Variants in ZBTB20 observed in about 807,000 individuals in gnomAD.
ZBTB20 encodes the protein zinc finger and BTB domain containing 20.
A neutral mutation model predicts 56.9 loss-of-function variants in ZBTB20; 9 were observed. That is an observed-to-expected ratio of 0.16 (90% CI 0.10 to 0.28). The LOEUF is 0.28. Ranked by LOEUF, ZBTB20 falls within the 10% of genes least tolerant of loss-of-function variation. The pLI is 1.00. For synonymous variants in ZBTB20, 417 were observed against 420.7 expected, an observed-to-expected ratio of 0.99 and a Z score of 0.11; for missense variants, 655 against 1,003.0, an observed-to-expected ratio of 0.65 and a Z score of 4.69.
intron 6 of ZBTB20, among the ~76,000 whole-genome samples, chr3:114,602,231 G>A: frequency 6.6e-6 from 1 of 152,030 alleles, no homozygotes; most frequent in Middle Eastern, 3.2e-3. Context: ...GGCTGGCTGA[G>A]ATGAGAGCGG....
At chr3:114,357,638 T>A (rs2081388972) in intron 10 of ZBTB20, among the ~76,000 whole-genome samples, 1 of 152,196 alleles carries the variant, frequency 6.6e-6, no homozygotes, top group Non-Finnish European at 1.5e-5. Flanking sequence ...TCAGTGGCTT[T>A]CATCAAAATC....
At chr3:114,880,902 T>C (rs921070599) in intron 4 of ZBTB20, among the ~76,000 whole-genome samples, 4 of 152,138 alleles carry the variant, frequency 2.6e-5, no homozygotes, top group Admixed American at 2.0e-4. Context: ...CTTTAAGTGG[T>C]AATAGTAATA....
chr3:114,603,575 A>G (rs2056921006), intron 6 of ZBTB20, among the ~76,000 whole-genome samples: 1 of 151,990 alleles, frequency 6.6e-6, no homozygotes, highest in Non-Finnish European at 1.5e-5. Flanking sequence ...TTATATTTAC[A>G]AACAAACTTC....
chr3:114,712,830 A>G (rs1365397964), intron 5 of ZBTB20, among the ~76,000 whole-genome samples: 3 of 152,190 alleles, frequency 2.0e-5, no homozygotes, highest in Non-Finnish European at 2.9e-5. Context: ...ACAAGTATCC[A>G]TCATGGTTAT....
chr3:114,341,637 T>C (rs1309362535), intron 11 of ZBTB20, among the ~76,000 whole-genome samples: 2 of 152,264 alleles, frequency 1.3e-5, no homozygotes, highest in Non-Finnish European at 2.9e-5. Flanking sequence ...TGATTCCTCA[T>C]AGTTGTCATG....
intron 7 of ZBTB20, among the ~76,000 whole-genome samples, chr3:114,417,759 G>A (rs966723450): frequency 2.0e-5 from 3 of 151,992 alleles, no homozygotes; most frequent in African/African-American, 7.2e-5. Context: ...AGGAAAAAAG[G>A]ACTTTTAAAC....
intron 1 of ZBTB20, among the ~76,000 whole-genome samples, chr3:115,075,149 C>T (rs1486482262): frequency 6.6e-6 from 1 of 152,072 alleles, no homozygotes; most frequent in Non-Finnish European, 1.5e-5. Flanking sequence ...ACCCTCTTAG[C>T]AAATCTTAAT....
At chr3:114,953,175 T>C (rs1324805752) in intron 3 of ZBTB20, among the ~76,000 whole-genome samples, 2 of 152,026 alleles carry the variant, frequency 1.3e-5, no homozygotes, top group Non-Finnish European at 2.9e-5. Context: ...AAAAGATATG[T>C]ATATTGAACA....
chr3:114,826,101 C>T (rs1378438722), intron 4 of ZBTB20, among the ~76,000 whole-genome samples: 1 of 151,566 alleles, frequency 6.6e-6, no homozygotes, highest in Non-Finnish European at 1.5e-5. Context: ...ACCACCTCAC[C>T]TTCTGAATAT....
intron 2 of ZBTB20, among the ~76,000 whole-genome samples, chr3:115,069,971 T>C (rs1414047665): frequency 6.6e-6 from 1 of 152,168 alleles, no homozygotes; most frequent in East Asian, 1.9e-4. Flanking sequence ...TATTTAAAGT[T>C]AAAACATGAA....
chr3:115,064,528 T>C (rs1159303432), intron 2 of ZBTB20, among the ~76,000 whole-genome samples: 1 of 142,610 alleles, frequency 7.0e-6, no homozygotes, highest in Admixed American at 7.3e-5. Context: ...CTTGGCTCAC[T>C]GCAACCTCCG....
At chr3:114,950,937 T>C (rs2077045455) in intron 3 of ZBTB20, among the ~76,000 whole-genome samples, 1 of 152,126 alleles carries the variant, frequency 6.6e-6, no homozygotes, top group Non-Finnish European at 1.5e-5. Flanking sequence ...AGAAGCCACA[T>C]ACAGAAGAAT....
chr3:114,947,817 A>T (rs1031039498), intron 3 of ZBTB20, among the ~76,000 whole-genome samples: 1 of 146,166 alleles, frequency 6.8e-6, no homozygotes, highest in Admixed American at 6.6e-5. Flanking sequence ...AAGATAAAAT[A>T]AAAAAGTCTT....
At chr3:114,786,642 A>G (rs529268392) in intron 5 of ZBTB20, among the ~76,000 whole-genome samples, 1 of 144,486 alleles carries the variant, frequency 6.9e-6, no homozygotes, top group East Asian at 1.9e-4. Flanking sequence ...AAAGTACTGA[A>G]AAGGAGAATC....
intron 2 of ZBTB20, among the ~76,000 whole-genome samples, chr3:115,041,159 G>A (rs1409102096): frequency 1.3e-5 from 2 of 152,070 alleles, no homozygotes. Context: ...AATTTCTCTT[G>A]CAGAAGTTGC....
intron 1 of ZBTB20, among the ~76,000 whole-genome samples, chr3:115,084,529 T>C (rs1185776921): frequency 6.6e-6 from 1 of 151,966 alleles, no homozygotes; most frequent in Admixed American, 6.6e-5. Flanking sequence ...TTTTTTAATA[T>C]CTAAATTAAC....
chr3:114,717,036 C>T (rs144463830), intron 5 of ZBTB20, among the ~76,000 whole-genome samples: 223 of 152,200 alleles, frequency 1.5e-3, no homozygotes, highest in African/African-American at 4.9e-3. Flanking sequence ...GAATATTCTA[C>T]TTAGATTCTG....
At chr3:114,421,152 G>C (rs2089133626) in intron 7 of ZBTB20, among the ~76,000 whole-genome samples, 1 of 152,026 alleles carries the variant, frequency 6.6e-6, no homozygotes, top group African/African-American at 2.4e-5. Context: ...ATGTCCACAG[G>C]ATAGTCTAGA....
chr3:114,802,639 C>A (rs1015183927), intron 4 of ZBTB20, among the ~76,000 whole-genome samples: 1 of 151,716 alleles, frequency 6.6e-6, no homozygotes, highest in Non-Finnish European at 1.5e-5. Flanking sequence ...CCTTATAAGG[C>A]AGCAAAATAT....
Sources: gnomAD v4.1 joint callset for allele counts (sites outside exome capture counted in the v4.1 genomes callset) on GRCh38, gnomAD v4.1.1 for gene constraint, MANE v1.5 for transcripts, NCBI Gene and HGNC (gene_info 2026-07-23, HGNC 2026-07-21) for gene names.